The following NKAIN2 variants were observed in gnomAD, a reference collection of about 807,000 sequenced individuals.
The protein encoded by NKAIN2 is sodium/potassium transporting ATPase interacting 2, also known as sodium/potassium-transporting ATPase subunit beta-1-interacting protein 2.
A neutral mutation model predicts 32.6 loss-of-function variants in NKAIN2; 14 were observed. The observed-to-expected ratio is 0.43, with a 90% CI of 0.28 to 0.67. The LOEUF is 0.67. Among genes scored for constraint, NKAIN2 ranks in the 30% least tolerant of loss-of-function variants. The probability of loss-of-function intolerance (pLI) is 0.17; values close to 1 mark genes in which losing one functional copy is unlikely to be tolerated. For missense variants in NKAIN2, 198 were observed against 258.3 expected (o/e 0.77, Z 1.60); for synonymous variants, 80 against 87.2 (o/e 0.92, Z 0.46).
intron 1 of NKAIN2, among the ~76,000 whole-genome samples, chr6:123,832,260 A>C (rs1322300944): frequency 6.6e-6 from 1 of 152,198 alleles, no homozygotes; most frequent in African/African-American, 2.4e-5. Context: ...TCTTTCACTT[A>C]ATAATACGCA....
chr6:124,776,101 T>C (rs1778973509), intron 4 of NKAIN2, among the ~76,000 whole-genome samples: 1 of 152,160 alleles, frequency 6.6e-6, no homozygotes, highest in African/African-American at 2.4e-5. Flanking sequence ...GCAGTTTGGA[T>C]TGGAGGAGTT....
At chr6:123,867,239 TA>T (rs1438952809) in intron 1 of NKAIN2, among the ~76,000 whole-genome samples, 1 of 152,228 alleles carries the variant, frequency 6.6e-6, no homozygotes, top group African/African-American at 2.4e-5. Context: ...ATAATTTCTG[TA>T]ACATATGTAA....
chr6:124,107,247 A>C (rs1456244948), intron 1 of NKAIN2, among the ~76,000 whole-genome samples: 4 of 152,206 alleles, frequency 2.6e-5, no homozygotes, highest in Non-Finnish European at 5.9e-5. Context: ...CAAATCATGA[A>C]AAGATGTTGG....
chr6:124,618,542 A>G (rs1326233412), intron 3 of NKAIN2, among the ~76,000 whole-genome samples: 2 of 152,190 alleles, frequency 1.3e-5, no homozygotes, highest in African/African-American at 4.8e-5. Context: ...ACTTTCTTAC[A>G]TTCATATTTA....
intron 1 of NKAIN2, among the ~76,000 whole-genome samples, chr6:124,179,438 T>A (rs1007517445): frequency 3.9e-5 from 6 of 152,250 alleles, no homozygotes; most frequent in Non-Finnish European, 7.3e-5. Context: ...ATAGCACTTG[T>A]TTTATGTTGT....
intron 3 of NKAIN2, among the ~76,000 whole-genome samples, chr6:124,458,888 G>T (rs1200034887): frequency 6.6e-6 from 1 of 151,728 alleles, no homozygotes; most frequent in Non-Finnish European, 1.5e-5. Context: ...CAGAAAATGG[G>T]AGAAAGAATC....
At chr6:124,285,704 G>A (rs1795506675) in intron 2 of NKAIN2, among the ~76,000 whole-genome samples, 1 of 151,848 alleles carries the variant, frequency 6.6e-6, no homozygotes, top group Non-Finnish European at 1.5e-5. Context: ...GAGGATTAAG[G>A]GCACCAAACC....
intron 4 of NKAIN2, among the ~76,000 whole-genome samples, chr6:124,736,939 G>A (rs574229405): frequency 6.6e-6 from 1 of 152,020 alleles, no homozygotes; most frequent in South Asian, 2.1e-4. Context: ...ATGACTTATA[G>A]ATTACATAGA....
intron 1 of NKAIN2, among the ~76,000 whole-genome samples, chr6:124,060,461 G>A (rs1049894290): frequency 2.6e-5 from 4 of 152,120 alleles, no homozygotes; most frequent in Admixed American, 6.6e-5. Flanking sequence ...AAAAAGCACA[G>A]GTTGGGGCAG....
intron 2 of NKAIN2, among the ~76,000 whole-genome samples, chr6:124,310,571 T>G (rs1796671600): frequency 6.6e-6 from 1 of 152,134 alleles, no homozygotes; most frequent in Non-Finnish European, 1.5e-5. Flanking sequence ...TACTGTCCCT[T>G]GGAGGACGTT....
chr6:124,122,793 G>A (rs147476421), intron 1 of NKAIN2, among the ~76,000 whole-genome samples: 4 of 152,024 alleles, frequency 2.6e-5, no homozygotes, highest in Non-Finnish European at 5.9e-5. Context: ...GGTTGAAGAA[G>A]TTTCCATAGC....
At chr6:124,706,676 G>A (rs1271921385) in intron 4 of NKAIN2, among the ~76,000 whole-genome samples, 1 of 152,262 alleles carries the variant, frequency 6.6e-6, no homozygotes, top group East Asian at 1.9e-4. Context: ...AGTGGTCAAA[G>A]AGCAGCAAGT....
intron 4 of NKAIN2, among the ~76,000 whole-genome samples, chr6:124,788,738 A>C (rs1779615753): frequency 6.6e-6 from 1 of 152,128 alleles, no homozygotes; most frequent in South Asian, 2.1e-4. Flanking sequence ...TGGGAACTAC[A>C]GTTCAAGATG....
intron 4 of NKAIN2, among the ~76,000 whole-genome samples, chr6:124,758,093 TG>T (rs1778049954): frequency 6.6e-6 from 1 of 152,126 alleles, no homozygotes; most frequent in Admixed American, 6.5e-5. Flanking sequence ...AAGTTTCATT[TG>T]GGGATTATTT....
chr6:124,539,990 G>A (rs1305071821), intron 3 of NKAIN2, among the ~76,000 whole-genome samples: 1 of 152,192 alleles, frequency 6.6e-6, no homozygotes, highest in African/African-American at 2.4e-5. Flanking sequence ...CAAAGTGCTA[G>A]GATTATAGGC....
rs116419325 is a variant in NKAIN2, at chr6:124,028,360, A to G, written c.54+224106A>G. On this transcript the variant is annotated intron_variant, in intron 1 of 6. Transcript: ENST00000368417. ...TCCATTGTGTTCAATGTTCAAGAAC[A>G]GAAGCATGATGGCTATTAAGTAGGG... Among the ~76,000 whole-genome samples the G allele has an allele frequency of 2.8e-3, 395 of 139,372 alleles. 2 individuals are homozygous for G. Among genetic ancestry groups the G allele is most frequent in the African/African-American group, 0.01 (389 of 37,848 alleles). 91.4% of individuals were successfully genotyped at this position (139,372 alleles called of 152,430 possible).
chr6:124,674,447 G>A lies in NKAIN2; in HGVS notation c.474+16061G>A, dbSNP rs114685612. Among the ~76,000 whole-genome samples, 876 of 151,818 alleles carry A rather than the reference G, an allele frequency of 5.8e-3. 5 individuals are homozygous for A. Among genetic ancestry groups the A allele is most frequent in the African/African-American group, 0.02 (839 of 41,470 alleles). ...TTCATTGAATCTGTAGATTGTTTCC[G>A]GTACTATTAACATTTTTAAGAATAG... On this transcript the variant is annotated intron_variant, in intron 4 of 6. Transcript: ENST00000368417.
At position 124,171,160 on chromosome 6, in the gene NKAIN2, C is replaced by T. The variant is rs898072533; in HGVS notation, c.55-111845C>T. On this transcript the variant is annotated intron_variant, in intron 1 of 6. Coordinates refer to ENST00000368417, the MANE Select transcript of NKAIN2 (RefSeq NM_001040214.3). ...TTTATCACAGTTTCTATACCCTCAT[C>T]CTTGTCATTAGGTATTATGCTTTTT... 2.6e-5 allele frequency among the ~76,000 whole-genome samples: 4 copies of T among 152,136 alleles called. No individual in the cohort carries two copies. In the East Asian group the frequency reaches 7.7e-4, roughly 29 times the overall value.
intron 4 of NKAIN2, among the ~76,000 whole-genome samples, chr6:124,784,049 A>G (rs1331144034): frequency 1.3e-5 from 2 of 152,176 alleles, no homozygotes; most frequent in Non-Finnish European, 2.9e-5. Flanking sequence ...GTGTCTTTGT[A>G]CTTAAGAAAA....
Sources: allele counts gnomAD v4.1 joint callset (sites outside exome capture counted in the v4.1 genomes callset), GRCh38; gene constraint gnomAD v4.1.1; transcripts MANE v1.5; gene names NCBI Gene and HGNC (gene_info 2026-07-23, HGNC 2026-07-21).